Variants in SLC25A48 observed in about 807,000 individuals in gnomAD.
SLC25A48 encodes the protein CTC-321K16.1.
A neutral mutation model predicts 32.2 loss-of-function variants in SLC25A48; 29 were observed. The observed-to-expected ratio is 0.90, with a 90% CI of 0.67 to 1.23. SLC25A48 has a LOEUF of 1.23. Among genes scored for constraint, SLC25A48 ranks in the 50% most tolerant of loss-of-function variants. The probability of loss-of-function intolerance (pLI) is 0.00; values close to 1 mark genes in which losing one functional copy is unlikely to be tolerated. For synonymous variants in SLC25A48, 164 were observed against 172.3 expected, an observed-to-expected ratio of 0.95 and a Z score of 0.38; for missense variants, 399 against 422.7, an observed-to-expected ratio of 0.94 and a Z score of 0.49.
chr5:135,606,410 A>G (rs1430492763), intron 1 of SLC25A48, among the ~76,000 whole-genome samples: 21 of 152,200 alleles, frequency 1.4e-4, no homozygotes, highest in Non-Finnish European at 2.9e-5. Flanking sequence ...CACATTTTTA[A>G]TCCTCTAAGT....
chr5:135,884,583 G>T (rs1762652967), intron 7 of SLC25A48, among the ~76,000 whole-genome samples: 1 of 147,610 alleles, frequency 6.8e-6, no homozygotes, highest in Non-Finnish European at 1.5e-5. Context: ...TCTATTGATG[G>T]GAGAGACCAG....
intron 4 of SLC25A48, among the ~76,000 whole-genome samples, chr5:135,820,689 T>C (rs1173659807): frequency 1.3e-5 from 2 of 152,236 alleles, no homozygotes; most frequent in Non-Finnish European, 2.9e-5. Context: ...TATTTTGGTA[T>C]TTCAAATCAG....
intron 3 of SLC25A48, among the ~76,000 whole-genome samples, chr5:135,765,866 C>T (rs1488717465): frequency 6.9e-6 from 1 of 145,642 alleles, no homozygotes; most frequent in African/African-American, 2.6e-5. Flanking sequence ...GGATACTATT[C>T]CCCACATTGC....
chr5:135,867,081 A>T (rs925866882), intron 4 of SLC25A48, among the ~76,000 whole-genome samples: 3 of 152,256 alleles, frequency 2.0e-5, no homozygotes, highest in African/African-American at 7.2e-5. Flanking sequence ...CAAAGCATTC[A>T]TGATTTTAAA....
chr5:135,871,546 G>A lies in SLC25A48; in HGVS notation c.507G>A (p.Val169=). The A allele has an allele frequency of 6.2e-7, 1 of 1,614,140 alleles. No homozygotes were observed. The highest frequency in any genetic ancestry group is 8.5e-7 in the Non-Finnish European group (1 of 1,179,996). The change falls in exon 5 of 8, where the codon GTG becomes GTA. Residue 169 remains valine, a synonymous_variant. Transcript: ENST00000681962. ...QGPVHCITTI[V]RNEGLAGLYR... ...CAGTGCACTGCATTACAACCATTGT[G>A]AGGAATGAGGGCCTGGCGGGGCTAT...
chr5:135,642,355 G>A (rs2126917663), intron 3 of SLC25A48, among the ~76,000 whole-genome samples: 1 of 152,318 alleles, frequency 6.6e-6, no homozygotes, highest in South Asian at 2.1e-4. Context: ...CAGGGCTCTG[G>A]GAAGGAGCCC....
rs116316454 is a variant in SLC25A48, at chr5:135,885,791, G to A, written c.*8-2241G>A. 1.7e-3 allele frequency among the ~76,000 whole-genome samples: 257 copies of A among 152,308 alleles called. 1 individual carries two copies. Among genetic ancestry groups the A allele is most frequent in the Non-Finnish European group, 2.7e-3 (186 of 68,030 alleles). ...ATGAAAATTCAGAAAGTTTCTAAAT[G>A]CCTATCAATAGAAGAGGGGGTTGAA... On this transcript the variant is annotated intron_variant, in intron 7 of 7. Transcript: ENST00000681962.
chr5:135,594,253 C>G (rs1375867314), intron 1 of SLC25A48, among the ~76,000 whole-genome samples: 1 of 152,184 alleles, frequency 6.6e-6, no homozygotes, highest in Non-Finnish European at 1.5e-5. Flanking sequence ...AGTTACAGAA[C>G]TGTTCTTTGT....
At chr5:135,798,945 T>G (rs935077745) in intron 3 of SLC25A48, among the ~76,000 whole-genome samples, 17 of 149,368 alleles carry the variant, frequency 1.1e-4, no homozygotes, top group Admixed American at 4.0e-4. Context: ...AATAAGATAT[T>G]GTTTCTAATA....
intron 3 of SLC25A48, among the ~76,000 whole-genome samples, chr5:135,787,221 C>A (rs1433877866): frequency 1.3e-5 from 2 of 151,970 alleles, no homozygotes; most frequent in Non-Finnish European, 2.9e-5. Flanking sequence ...ATGTGTTCAC[C>A]CTGTGATACT....
chr5:135,828,043 C>T lies in SLC25A48; in HGVS notation c.-116-14373C>T, dbSNP rs1471041939. On this transcript the variant is annotated intron_variant, in intron 4 of 10. Coordinates refer to the SLC25A48 transcript ENST00000646290. ...AACCCAAGGAGGGCCGAGAGCCCTG[C>T]AGTAGCCTGTCAGCAACCCCTTGGC... is the stretch of plus-strand genomic sequence containing the variant. Among the ~76,000 whole-genome samples the T allele has an allele frequency of 4.6e-5, 7 of 152,366 alleles. No homozygotes were observed. In the East Asian group the frequency reaches 1.4e-3, roughly 29 times the overall value.
intron 3 of SLC25A48, among the ~76,000 whole-genome samples, chr5:135,792,975 C>T (rs774372617): frequency 4.6e-5 from 7 of 151,494 alleles, no homozygotes; most frequent in Non-Finnish European, 8.9e-5. Context: ...CATGTATGTA[C>T]ACCCTGGGAT....
At chr5:135,641,903 A>T (rs768858812) in intron 3 of SLC25A48, among the ~76,000 whole-genome samples, 5 of 152,196 alleles carry the variant, frequency 3.3e-5, no homozygotes, top group Non-Finnish European at 7.3e-5. Flanking sequence ...CAGAGCCTGG[A>T]AGATGAAAAT....
intron 2 of SLC25A48, among the ~76,000 whole-genome samples, 199 bp downstream of exon 2, chr5:135,842,658 A>T (rs1759105176): frequency 6.6e-6 from 1 of 152,168 alleles, no homozygotes; most frequent in Non-Finnish European, 1.5e-5. Context: ...GAACTTTAGA[A>T]GTAGATTGGA....
At chr5:135,843,953 G>A (rs1442787565) in intron 2 of SLC25A48, among the ~76,000 whole-genome samples, 2 of 152,182 alleles carry the variant, frequency 1.3e-5, no homozygotes, top group Admixed American at 1.3e-4. Context: ...TGTGCAGCAA[G>A]TTCATGTCTG....
intron 3 of SLC25A48, among the ~76,000 whole-genome samples, chr5:135,774,683 C>A (rs1017182887): frequency 6.6e-6 from 1 of 151,542 alleles, no homozygotes; most frequent in Non-Finnish European, 1.5e-5. Flanking sequence ...TGATCCTGTA[C>A]TATTGTTCCC....
intron 3 of SLC25A48, among the ~76,000 whole-genome samples, chr5:135,808,423 T>G (rs60761464): frequency 0.047 from 7,180 of 152,116 alleles, 351 homozygotes; most frequent in African/African-American, 0.13. Flanking sequence ...ACTTTATACT[T>G]GTTGATGTTA....
intron 3 of SLC25A48, among the ~76,000 whole-genome samples, chr5:135,670,148 T>C (rs1216850390): frequency 6.6e-6 from 1 of 152,156 alleles, no homozygotes; most frequent in East Asian, 1.9e-4. Flanking sequence ...AGACCTGAAT[T>C]TGAGTCTTAG....
intron 1 of SLC25A48, among the ~76,000 whole-genome samples, chr5:135,610,483 A>G (rs749969792): frequency 2.6e-5 from 4 of 152,134 alleles, no homozygotes; most frequent in African/African-American, 4.8e-5. Flanking sequence ...CTGATAGGTT[A>G]TTTATTTTTC....
Sources: gnomAD v4.1 joint callset for allele counts (sites outside exome capture counted in the v4.1 genomes callset) on GRCh38, gnomAD v4.1.1 for gene constraint, MANE v1.5 for transcripts, NCBI Gene and HGNC (gene_info 2026-07-23, HGNC 2026-07-21) for gene names.